The following STK10 variants were observed in gnomAD, a reference collection of about 807,000 sequenced individuals.
The protein encoded by STK10 is serine/threonine-protein kinase 10.
Under a neutral mutation model 113.8 loss-of-function variants are expected in STK10, and 78 were observed. The ratio of observed to expected loss-of-function variants is 0.69; its 90% CI spans 0.57 to 0.83. The LOEUF is 0.83. STK10 is among the 40% of genes least tolerant of loss of function. STK10 has a pLI of 0.00. For missense variants in STK10, 1,109 were observed against 1,280.1 expected (o/e 0.87, Z 2.04); for synonymous variants, 465 against 494.7 (o/e 0.94, Z 0.80).
intron 1 of STK10, among the ~76,000 whole-genome samples, chr5:172,171,409 C>T (rs1015177009): frequency 2.6e-5 from 4 of 152,248 alleles, no homozygotes; most frequent in South Asian, 2.1e-4. Flanking sequence ...ACGTGAAAGG[C>T]GCTTAGAAGA....
At position 172,187,998 on chromosome 5, in the gene STK10, G is replaced by A. The variant is rs1490679746; in HGVS notation, c.45C>T (p.Phe15=). 1.2e-6 allele frequency: 2 copies of A among 1,613,312 alleles called. No homozygotes were observed. Among genetic ancestry groups the A allele is most frequent in the Admixed American group, 1.7e-5 (1 of 59,990 alleles). The part of the protein sequence containing the change: ...NFRRILRLST[F]EKRKSREYEH... ...CATATTCGCGGGACTTTCTCTTCTCGAAGGTAGACAGGCGCAGGATGCGGC... is the reference window on the plus strand; with the variant it reads ...CATATTCGCGGGACTTTCTCTTCTCAAAGGTAGACAGGCGCAGGATGCGGC... Residue 15 remains phenylalanine, a synonymous_variant, in exon 1 of 19, where the codon TTC becomes TTT. Coordinates refer to ENST00000176763, the MANE Select transcript of STK10 (RefSeq NM_005990.4). The surrounding 1 kb of genome is among the most constrained non-coding windows in gnomAD (Gnocchi z 4.6).
At chr5:172,156,236 A>G in intron 2 of STK10, among the ~76,000 whole-genome samples, 1 of 152,218 alleles carries the variant, frequency 6.6e-6, no homozygotes, top group East Asian at 1.9e-4. Flanking sequence ...GCACTCTTCT[A>G]AGCACCTATC....
chr5:172,155,330 T>C (rs1244725881), intron 2 of STK10, among the ~76,000 whole-genome samples: 5 of 152,012 alleles, frequency 3.3e-5, no homozygotes, highest in Admixed American at 3.3e-4. Context: ...AAACCCCGTC[T>C]CTACTAAAAA....
intron 1 of STK10, among the ~76,000 whole-genome samples, chr5:172,173,386 G>C (rs1395535163): frequency 6.6e-6 from 1 of 152,230 alleles, no homozygotes; most frequent in Non-Finnish European, 1.5e-5. Context: ...AGTGGCAACT[G>C]CCTCATAGGG....
intron 4 of STK10, among the ~76,000 whole-genome samples, chr5:172,109,684 G>GCTGCTAAGAGAAGAATTCAGCT (rs1268593173): frequency 2.0e-5 from 3 of 152,094 alleles, no homozygotes; most frequent in Non-Finnish European, 4.4e-5. Flanking sequence ...AGAATTCAGC[G>GCTGCTAAGAGAAGAATTCAGCT]CTACCAAGAG....
At chr5:172,134,155 G>A (rs951754527) in intron 2 of STK10, among the ~76,000 whole-genome samples, 1 of 152,204 alleles carries the variant, frequency 6.6e-6, no homozygotes, top group African/African-American at 2.4e-5. Flanking sequence ...CTTAACAAAA[G>A]GCACTGTAAG....
At chr5:172,186,840 T>G (rs999079399) in intron 1 of STK10, among the ~76,000 whole-genome samples, 1 of 152,070 alleles carries the variant, frequency 6.6e-6, no homozygotes, top group African/African-American at 2.4e-5. Context: ...AACTAGGCGA[T>G]AGACCACTTC....
In STK10 at chr5:172,188,220, G is replaced by C; in HGVS notation, c.-178C>G. ...GTGTGCCCTGGGCAGCGCCGCGCCGGGAGCACCCGGAACCGCGCAGGCGGC... is the reference window on the plus strand; with the variant it reads ...GTGTGCCCTGGGCAGCGCCGCGCCGCGAGCACCCGGAACCGCGCAGGCGGC... On this transcript the variant is annotated 5_prime_UTR_variant, in exon 1 of 19. Transcript: ENST00000176763. This position sits in a 1 kb window ranked among gnomAD's most constrained non-coding sequence, Gnocchi z 5.6. The C allele has an allele frequency of 1.8e-6, 2 of 1,107,704 alleles. No homozygotes were observed. Among genetic ancestry groups the C allele is most frequent in the Non-Finnish European group, 2.4e-6 (2 of 833,302 alleles). The allele number at this position is 1,107,704 out of a possible 1,614,324, so 68.6% of individuals were successfully genotyped here. A position where few individuals can be genotyped will look rare whatever the true frequency, so the allele number is the denominator to read the frequency against.
chr5:172,086,034 A>T (rs2113735682), intron 10 of STK10, among the ~76,000 whole-genome samples: 1 of 152,354 alleles, frequency 6.6e-6, no homozygotes, highest in East Asian at 1.9e-4. Flanking sequence ...ATCTAGGCTC[A>T]GTCAGCTTTC....
In STK10 at chr5:172,044,964, C is replaced by T. The variant is rs1128204; in HGVS notation, c.2825G>A (p.Ser942Asn). Residue 942 changes from serine (S) to asparagine (N), a missense_variant, in exon 19 of 19, where the codon AGC (serine) becomes AAC (asparagine). By Grantham distance (46) the Ser-to-Asn change is conservative. Transcript: ENST00000176763. The surrounding 1 kb of genome is among the most constrained non-coding windows in gnomAD (Gnocchi z 4.5). The part of the protein sequence containing the change: ...KREQEMFFKL[S>N]EEAECPNPST... ...GGGGTTTGGGCACTCCGCCTCCTCG[C>T]TCAGCTTGAAGAACATCTCCTGCTC... The T allele has an allele frequency of 7.4e-6, 12 of 1,614,208 alleles. No individual in the cohort carries two copies. The South Asian group carries it at 1.2e-4, about 16-fold the overall frequency.
chr5:172,184,776 C>T (rs1561838539), intron 1 of STK10, among the ~76,000 whole-genome samples: 2 of 152,072 alleles, frequency 1.3e-5, no homozygotes, highest in Non-Finnish European at 2.9e-5. Flanking sequence ...CTCAGCCTCC[C>T]GAGTAGCTGG....
At chr5:172,180,865 G>C (rs1040978175) in intron 1 of STK10, among the ~76,000 whole-genome samples, 1 of 152,172 alleles carries the variant, frequency 6.6e-6, no homozygotes, top group Admixed American at 6.5e-5. Context: ...TCAAGATACA[G>C]TTGGCTCTGT....
At chr5:172,158,014 T>C (rs1770389918) in intron 1 of STK10, among the ~76,000 whole-genome samples, 2 of 152,202 alleles carry the variant, frequency 1.3e-5, no homozygotes, top group Admixed American at 1.3e-4. Flanking sequence ...CGGAACTGTT[T>C]CGTAGATGCA....
rs187282491 is a variant in STK10 at position 172,115,366 on chromosome 5, G to T, written c.520+2115C>A. ...GATGATGCCGGGAAATGTGAAACTA[G>T]ATGGTATCCTGAGCTTGGTGGAGAG... is the stretch of plus-strand genomic sequence containing the variant. On this transcript the variant is annotated intron_variant, in intron 4 of 18. Coordinates refer to ENST00000176763, the MANE Select transcript of STK10 (RefSeq NM_005990.4). Among the ~76,000 whole-genome samples, 112 of 152,318 alleles carry T rather than the reference G, an allele frequency of 7.4e-4. 1 individual carries two copies. The highest frequency in any genetic ancestry group is 2.5e-3 in the African/African-American group (104 of 41,578).
At chr5:172,124,740 TA>T (rs757653687) in intron 3 of STK10, among the ~76,000 whole-genome samples, 24 of 152,084 alleles carry the variant, frequency 1.6e-4, no homozygotes, top group Non-Finnish European at 2.9e-4. Flanking sequence ...TCTAAAATCC[TA>T]AAAATCTCAA....
At chr5:172,147,792 GGT>G (rs1157378182) in intron 2 of STK10, among the ~76,000 whole-genome samples, 8 of 152,186 alleles carry the variant, frequency 5.3e-5, no homozygotes, top group Non-Finnish European at 8.8e-5. Context: ...GCCTTAGGCA[GGT>G]GACAGGAGGA....
At position 172,111,262 on chromosome 5, in the gene STK10, G is replaced by C. The variant is rs3797330; in HGVS notation, c.521-3410C>G. Among the ~76,000 whole-genome samples, 21 of 152,250 alleles carry C rather than the reference G, an allele frequency of 1.4e-4. 1 individual carries two copies. In the East Asian group the frequency reaches 4.1e-3, roughly 29 times the overall value. On this transcript the variant is annotated intron_variant, in intron 4 of 18. Transcript: ENST00000176763. Reference sequence around the variant, plus strand: ...AGGGCTGGCACATCATCCCATCCCAGGAAACCTTTTGGGAACAGTGACTGC... The same window carrying C: ...AGGGCTGGCACATCATCCCATCCCACGAAACCTTTTGGGAACAGTGACTGC...
At position 172,133,423 on chromosome 5, in the gene STK10, C is replaced by G. The variant is rs78540166; in HGVS notation, c.322-6002G>C. 2.7e-3 allele frequency among the ~76,000 whole-genome samples: 414 copies of G among 152,270 alleles called. 3 individuals carry two copies. The highest frequency in any genetic ancestry group is 9.6e-3 in the African/African-American group (397 of 41,534). On this transcript the variant is annotated intron_variant, in intron 2 of 18. Coordinates refer to ENST00000176763, the MANE Select transcript of STK10 (RefSeq NM_005990.4). This position sits in a 1 kb window ranked among gnomAD's most constrained non-coding sequence, Gnocchi z 4.9. ...GTCTTCCTTCCCCTTTGTGAAATAG[C>G]CATGAGAACTGGGTAGGACTTACTC...
intron 3 of STK10, among the ~76,000 whole-genome samples, chr5:172,122,112 C>T (rs1328993396): frequency 6.6e-6 from 1 of 152,146 alleles, no homozygotes; most frequent in Non-Finnish European, 1.5e-5. Flanking sequence ...GTGATCCACC[C>T]GCCGCAGCCT....
Sources: allele counts gnomAD v4.1 joint callset (sites outside exome capture counted in the v4.1 genomes callset), GRCh38; gene constraint gnomAD v4.1.1; non-coding constraint Gnocchi (gnomAD v3.1); transcripts MANE v1.5; gene names NCBI Gene and HGNC (gene_info 2026-07-23, HGNC 2026-07-21).